DLGAP1: variants seen among roughly 807,000 people sequenced by gnomAD.
DLGAP1 encodes the protein DLG associated protein 1, also known as disks large-associated protein 1.
In DLGAP1, 11 loss-of-function variants were observed where a neutral mutation model predicts 90.8. That is an observed-to-expected ratio of 0.12 (90% CI 0.08 to 0.20). The LOEUF (loss-of-function observed/expected upper bound fraction) is 0.20. Ranked by LOEUF, DLGAP1 falls within the 10% of genes least tolerant of loss-of-function variation. The pLI, the probability that DLGAP1 is intolerant of heterozygous loss-of-function variation, is 1.00. For synonymous variants in DLGAP1, 558 were observed against 540.7 expected, an observed-to-expected ratio of 1.03 and a Z score of -0.44; for missense variants, 1,050 against 1,333.8, an observed-to-expected ratio of 0.79 and a Z score of 3.31.
Position 4,081,604 on chromosome 18 carries a change from A to G in DLGAP1, c.-159+69576T>C, listed in dbSNP as rs190307258. Among the ~76,000 whole-genome samples, 1,038 of 152,246 alleles carry G rather than the reference A, an allele frequency of 6.8e-3. 19 individuals are homozygous for G. Among genetic ancestry groups the G allele is most frequent in the African/African-American group, 0.024 (991 of 41,530 alleles). ...GTTGTCTCATCTGCTTATAGTCCAG[A>G]CCTGCCAAAGAAGCCAACAATTACC... On this transcript the variant is annotated intron_variant, in intron 2 of 12. Transcript: ENST00000315677.
chr18:4,121,678 C>T (rs577378219), intron 2 of DLGAP1, among the ~76,000 whole-genome samples: 3 of 152,244 alleles, frequency 2.0e-5, no homozygotes, highest in Non-Finnish European at 2.9e-5. Flanking sequence ...CCCACTTGCT[C>T]ATGCCATACT....
At chr18:3,678,496 G>A (rs573091763) in intron 7 of DLGAP1, among the ~76,000 whole-genome samples, 32 of 152,024 alleles carry the variant, frequency 2.1e-4, no homozygotes, top group South Asian at 4.1e-4. Context: ...TAATATGATC[G>A]TTGTTTTTGT....
chr18:4,232,936 G>A (rs377672467), intron 1 of DLGAP1, among the ~76,000 whole-genome samples: 2 of 152,268 alleles, frequency 1.3e-5, no homozygotes, highest in East Asian at 3.9e-4. Flanking sequence ...ACACAAGTGT[G>A]GGAACACAGA....
intron 1 of DLGAP1, among the ~76,000 whole-genome samples, chr18:4,231,471 G>A (rs756460380): frequency 6.6e-6 from 1 of 152,096 alleles, no homozygotes; most frequent in Non-Finnish European, 1.5e-5. Flanking sequence ...GAGAGAAACT[G>A]GGGTATTTCC....
At chr18:3,948,026 T>A (rs2072910505) in intron 3 of DLGAP1, among the ~76,000 whole-genome samples, 1 of 152,058 alleles carries the variant, frequency 6.6e-6, no homozygotes, top group Admixed American at 6.5e-5. Context: ...AAAAGGTAAT[T>A]GAATGCACAT....
chr18:3,877,151 TAAATG>T (rs1345091198), intron 4 of DLGAP1, among the ~76,000 whole-genome samples: 6 of 152,196 alleles, frequency 3.9e-5, no homozygotes, highest in Admixed American at 3.9e-4. Flanking sequence ...TCACAAAGAT[TAAATG>T]AAATAAGAAA....
rs561453178 is a variant in DLGAP1 at position 4,062,934 on chromosome 18, T to A, written c.-158-57733A>T. Among the ~76,000 whole-genome samples the A allele has an allele frequency of 1.4e-3, 219 of 152,284 alleles. 1 individual carries two copies. The highest frequency in any genetic ancestry group is 4.9e-3 in the African/African-American group (205 of 41,578). On this transcript the variant is annotated intron_variant, in intron 2 of 12. Coordinates refer to ENST00000315677, the MANE Select transcript of DLGAP1 (RefSeq NM_004746.4). ...GCTCCATATAATCCTTAGTGAGGGATACCATTCTCTCAATATTAAAGATTT... is the reference window on the plus strand; with the variant it reads ...GCTCCATATAATCCTTAGTGAGGGAAACCATTCTCTCAATATTAAAGATTT...
intron 1 of DLGAP1, among the ~76,000 whole-genome samples, chr18:4,256,392 C>T (rs1171605674): frequency 6.6e-6 from 1 of 152,046 alleles, no homozygotes; most frequent in Non-Finnish European, 1.5e-5. Context: ...ACAGTGAGAT[C>T]CCCTCTATAA....
chr18:3,616,760 A>T (rs1038091337), intron 7 of DLGAP1, among the ~76,000 whole-genome samples: 2 of 152,084 alleles, frequency 1.3e-5, no homozygotes, highest in Non-Finnish European at 2.9e-5. Context: ...TCTCAAAAAA[A>T]CAAAAAGAAA....
At chr18:4,230,201 A>G (rs2145045486) in intron 1 of DLGAP1, among the ~76,000 whole-genome samples, 1 of 152,274 alleles carries the variant, frequency 6.6e-6, no homozygotes, top group Middle Eastern at 3.4e-3. Flanking sequence ...AATTAGTACA[A>G]CCACAATGGA....
At chr18:3,631,112 C>T (rs1221722655) in intron 7 of DLGAP1, among the ~76,000 whole-genome samples, 2 of 151,818 alleles carry the variant, frequency 1.3e-5, no homozygotes, top group African/African-American at 2.4e-5. Flanking sequence ...TCCCAAGTAG[C>T]TGGGACTACA....
chr18:4,262,129 T>C (rs967552934), intron 1 of DLGAP1, among the ~76,000 whole-genome samples: 1 of 152,224 alleles, frequency 6.6e-6, no homozygotes, highest in Non-Finnish European at 1.5e-5. Flanking sequence ...TCCATTTTCA[T>C]CTTTAAATGA....
chr18:3,822,405 T>C (rs189186045), intron 4 of DLGAP1, among the ~76,000 whole-genome samples: 1 of 152,314 alleles, frequency 6.6e-6, no homozygotes, highest in Non-Finnish European at 1.5e-5. Flanking sequence ...CCCAGCACCA[T>C]AGCAGGGGCT....
At position 3,583,179 on chromosome 18, in the gene DLGAP1, TA is replaced by T. The variant is rs1390817638; in HGVS notation, c.1592-932del. Among the ~76,000 whole-genome samples, 171 of 143,316 alleles carry T rather than the reference TA, an allele frequency of 1.2e-3. 2 individuals are homozygous for T. The highest frequency in any genetic ancestry group is 3.3e-3 in the African/African-American group (128 of 38,846). The allele number at this position is 143,316 out of a possible 152,430, so 94.0% of individuals were successfully genotyped here. A position where few individuals can be genotyped will look rare whatever the true frequency, so the allele number is the denominator to read the frequency against. On this transcript the variant is annotated intron_variant, in intron 7 of 12. Coordinates refer to ENST00000315677, the MANE Select transcript of DLGAP1 (RefSeq NM_004746.4). ...CTACCTACCTACCTACCTACCTACCTACCTACCTTCCTTCCTTCCTTCCTTC... is the reference window on the plus strand; with the variant it reads ...CTACCTACCTACCTACCTACCTACCTCCTACCTTCCTTCCTTCCTTCCTTC...
chr18:3,697,895 T>G (rs10164230), intron 7 of DLGAP1, among the ~76,000 whole-genome samples: 19,794 of 152,240 alleles, frequency 0.13, 1,520 homozygotes, highest in South Asian at 0.26. Context: ...ATATTTAGGA[T>G]AGTTAGCTCT....
chr18:4,169,764 T>G lies in DLGAP1; in HGVS notation c.-266-18477A>C, dbSNP rs889714661. On this transcript the variant is annotated intron_variant, in intron 1 of 12. Coordinates refer to ENST00000315677, the MANE Select transcript of DLGAP1 (RefSeq NM_004746.4). The stretch of plus-strand genomic sequence containing the variant: ...TGCATGGGCAGAGCACCGAGTCTAG[T>G]TCCAATCTGTGTTTCTCTTCTTCAT... 2.6e-5 allele frequency among the ~76,000 whole-genome samples: 4 copies of G among 152,338 alleles called. 1 individual carries two copies. The highest frequency in any genetic ancestry group is 6.8e-3 in the Middle Eastern group (2 of 294).
intron 7 of DLGAP1, among the ~76,000 whole-genome samples, chr18:3,641,612 C>CACAG (rs1567883991): frequency 6.7e-6 from 1 of 150,238 alleles, no homozygotes; most frequent in African/African-American, 2.5e-5. Context: ...CACACACACA[C>CACAG]AGACACACAC....
intron 2 of DLGAP1, among the ~76,000 whole-genome samples, chr18:4,077,039 G>T (rs1331901823): frequency 2.6e-5 from 4 of 152,152 alleles, no homozygotes; most frequent in African/African-American, 9.7e-5. Context: ...GCTCAGAGAA[G>T]GGTTCCAGTG....
At chr18:4,407,476 G>A (rs8083617) in intron 1 of DLGAP1, among the ~76,000 whole-genome samples, 3 of 152,236 alleles carry the variant, frequency 2.0e-5, no homozygotes, top group Non-Finnish European at 4.4e-5. Context: ...AAGTAGAGTA[G>A]CAGTAACGCA....
Sources: gnomAD v4.1 joint callset for allele counts (sites outside exome capture counted in the v4.1 genomes callset) on GRCh38, gnomAD v4.1.1 for gene constraint, MANE v1.5 for transcripts, NCBI Gene and HGNC (gene_info 2026-07-23, HGNC 2026-07-21) for gene names.